The following DYNLRB1 variants were observed in gnomAD, a reference collection of about 807,000 sequenced individuals.
DYNLRB1 encodes the protein ROBL/LC7-like 1.
DYNLRB1 carries 6 observed loss-of-function variants against 13.5 expected under a neutral mutation model. That is an observed-to-expected ratio of 0.44 (90% CI 0.24 to 0.88). DYNLRB1 has a LOEUF of 0.88. Among genes scored for constraint, DYNLRB1 ranks in the 40% least tolerant of loss-of-function variants. The pLI is 0.21. For synonymous variants in DYNLRB1, 43 were observed against 45.0 expected, an observed-to-expected ratio of 0.96 and a Z score of 0.18; for missense variants, 93 against 127.2, an observed-to-expected ratio of 0.73 and a Z score of 1.29.
chr20:34,516,626 C>T lies in DYNLRB1; in HGVS notation c.3+165C>T. ...CCGACTTGAGGGTGGAACCCGGCGG[C>T]GGAGGCCTCTAAAGCCTGACCGAGG... On this transcript the variant is annotated intron_variant, in intron 1 of 3. Transcript: ENST00000357156. 3 of 1,489,228 alleles carry T rather than the reference C, an allele frequency of 2.0e-6. No homozygotes were observed. The South Asian group carries it at 4.0e-5, about 20-fold the overall frequency. 92.3% of individuals were successfully genotyped at this position (1,489,228 alleles called of 1,614,324 possible).
chr20:34,526,506 T>TTC, intron 2 of DYNLRB1, 163 bp downstream of exon 2: 1 of 648,994 alleles, frequency 1.5e-6, no homozygotes, highest in Non-Finnish European at 2.5e-6. Flanking sequence ...TTTTTTTTTT[T>TTC]TCATTAAGGC....
At chr20:34,532,418 A>G (rs979951902) in intron 2 of DYNLRB1, among the ~76,000 whole-genome samples, 1 of 152,150 alleles carries the variant, frequency 6.6e-6, no homozygotes, top group African/African-American at 2.4e-5. Context: ...AATCTGGTCC[A>G]TAGCTGCCCA....
chr20:34,516,208 T>G (rs1416707980), upstream of DYNLRB1, among the ~76,000 whole-genome samples: 1 of 152,272 alleles, frequency 6.6e-6, no homozygotes, highest in Non-Finnish European at 1.5e-5. Context: ...ACCAGCATCT[T>G]TTCTGCACGG....
At chr20:34,540,490 A>G (rs1024230447) in intron 3 of DYNLRB1, 91 bp from the exon 4 acceptor site, 5 of 1,215,230 alleles carry the variant, frequency 4.1e-6, no homozygotes, top group East Asian at 2.5e-5. Flanking sequence ...TCCTCATTTT[A>G]TGGTTAGTGA....
chr20:34,537,864 C>G (rs1981274957), intron 3 of DYNLRB1, among the ~76,000 whole-genome samples: 1 of 152,202 alleles, frequency 6.6e-6, no homozygotes, highest in South Asian at 2.1e-4. Context: ...TGACCTGACC[C>G]CATCCAGCTG....
In DYNLRB1 at chr20:34,528,336, A is replaced by AAAC. The variant is rs1980417281; in HGVS notation, c.79+1995_79+1996insCAA. Among the ~76,000 whole-genome samples the AAAC allele has an allele frequency of 5.5e-5, 8 of 144,898 alleles. 1 individual carries two copies. Among genetic ancestry groups the AAAC allele is most frequent in the East Asian group, 1.9e-4 (1 of 5,130 alleles). On this transcript the variant is annotated intron_variant, in intron 2 of 3. Transcript: ENST00000357156. Reference sequence around the variant, plus strand: ...CAAAAAAAAAAAAAAAAAAAAAAAAAAAAAAAAACTACCCTACTGGAGTTT... The same window carrying AAAC: ...CAAAAAAAAAAAAAAAAAAAAAAAAAAACAAAAAAAACTACCCTACTGGAGTTT...
intron 2 of DYNLRB1, among the ~76,000 whole-genome samples, chr20:34,532,261 C>T (rs562655570): frequency 2.9e-4 from 44 of 152,298 alleles, no homozygotes; most frequent in Non-Finnish European, 5.1e-4. Flanking sequence ...GTATTCAGCC[C>T]GCCCAGCAGC....
At position 34,537,489 on chromosome 20, in the gene DYNLRB1, A is replaced by G. The variant is rs376438982; in HGVS notation, c.247+2694A>G. Among the ~76,000 whole-genome samples, 16 of 152,252 alleles carry G rather than the reference A, an allele frequency of 1.1e-4. No homozygotes were observed. The South Asian group carries it at 3.3e-3, about 32-fold the overall frequency. ...TCCCTCCACTGCTGACACCCCACTGATATGGGTCAGAAGTGGGGTCAGCAG... is the reference window on the plus strand; with the variant it reads ...TCCCTCCACTGCTGACACCCCACTGGTATGGGTCAGAAGTGGGGTCAGCAG... On this transcript the variant is annotated intron_variant, in intron 3 of 3. Coordinates refer to ENST00000357156, the MANE Select transcript of DYNLRB1 (RefSeq NM_014183.4).
chr20:34,516,520 C>A, intron 1 of DYNLRB1, 59 bp downstream of exon 1: 1 of 1,606,118 alleles, frequency 6.2e-7, no homozygotes, highest in African/African-American at 1.3e-5. Context: ...GCCAGGCCTT[C>A]AGTCTTCCGA....
chr20:34,536,858 G>T (rs748256797), intron 3 of DYNLRB1, among the ~76,000 whole-genome samples: 8 of 152,098 alleles, frequency 5.3e-5, no homozygotes, highest in Non-Finnish European at 1.2e-4. Flanking sequence ...TGGGGGAAGG[G>T]AGCAAATTAC....
rs759542125 is a variant in DYNLRB1, at chr20:34,534,621, C to G, written c.80-7C>G. ...ATCCTCTCAGTCTCCGTCTGCTCTC[C>G]CCTCAGGCATTCCCATCAAGAGCAC... On this transcript the variant is annotated splice_region_variant and splice_polypyrimidine_tract_variant and intron_variant, in intron 2 of 3. Coordinates refer to ENST00000357156, the MANE Select transcript of DYNLRB1 (RefSeq NM_014183.4). The G allele has an allele frequency of 4.5e-6, 7 of 1,558,542 alleles. No homozygotes were observed. The highest frequency in any genetic ancestry group is 6.1e-6 in the Non-Finnish European group (7 of 1,151,920).
chr20:34,516,592 G>C lies in DYNLRB1; in HGVS notation c.3+131G>C, dbSNP rs1182989399. ...GTGGTGGCTGGGCGTGGCCGGGCCC[G>C]GGCCCCAGCCGACTTGAGGGTGGAA... On this transcript the variant is annotated intron_variant, in intron 1 of 3. Coordinates refer to ENST00000357156, the MANE Select transcript of DYNLRB1 (RefSeq NM_014183.4). 7.2e-6 allele frequency: 11 copies of C among 1,527,674 alleles called. No individual in the cohort carries two copies. The Admixed American group carries it at 2.2e-4, about 31-fold the overall frequency. The allele number at this position is 1,527,674 out of a possible 1,614,324, so 94.6% of individuals were successfully genotyped here.
intron 2 of DYNLRB1, 140 bp downstream of exon 2, chr20:34,526,483 T>TTG (rs1226735813): frequency 3.9e-6 from 2 of 506,720 alleles, no homozygotes; most frequent in Non-Finnish European, 3.3e-6. Context: ...ACCTCCAGTG[T>TTG]TCTTTTTTTT....
upstream of DYNLRB1, chr20:34,516,260 A>G (rs1465011099): frequency 2.4e-6 from 2 of 821,452 alleles, no homozygotes; most frequent in Non-Finnish European, 3.7e-6. Context: ...ACTGCTCCTT[A>G]GCTTTTCGCT....
At chr20:34,522,971 C>T (rs1979879159) in intron 1 of DYNLRB1, among the ~76,000 whole-genome samples, 2 of 152,138 alleles carry the variant, frequency 1.3e-5, no homozygotes, top group African/African-American at 2.4e-5. Context: ...CTATCCTATG[C>T]GAGGTACTGG....
At chr20:34,536,999 G>A (rs904757035) in intron 3 of DYNLRB1, among the ~76,000 whole-genome samples, 2 of 152,176 alleles carry the variant, frequency 1.3e-5, no homozygotes, top group African/African-American at 4.8e-5. Context: ...GGCAGCGGCA[G>A]CGTCTCCAAT....
chr20:34,539,100 TAACA>T, intron 3 of DYNLRB1, among the ~76,000 whole-genome samples: 1 of 152,220 alleles, frequency 6.6e-6, no homozygotes, highest in Non-Finnish European at 1.5e-5. Context: ...AACAAATAAT[TAACA>T]AGCCACTGAT....
At chr20:34,519,980 G>A (rs747012846) in intron 1 of DYNLRB1, among the ~76,000 whole-genome samples, 6 of 152,010 alleles carry the variant, frequency 3.9e-5, no homozygotes, top group East Asian at 1.9e-4. Flanking sequence ...CTAAAAATAC[G>A]AAAAGTAGCC....
At position 34,540,796 on chromosome 20, in the gene DYNLRB1, G is replaced by C. The variant is rs971332440; in HGVS notation, c.*172G>C. ...TCCCCCACCAACGGAACCCCTGTGT[G>C]CACCAACCTTCCCCAGAGCTCCGGA... is the stretch of plus-strand genomic sequence containing the variant. On this transcript the variant is annotated 3_prime_UTR_variant, in exon 4 of 4. Coordinates refer to ENST00000357156, the MANE Select transcript of DYNLRB1 (RefSeq NM_014183.4). 9.8e-6 allele frequency: 6 copies of C among 611,086 alleles called. No individual in the cohort carries two copies. The highest frequency in any genetic ancestry group is 1.7e-5 in the Non-Finnish European group (6 of 359,956). 37.9% of individuals were successfully genotyped at this position (611,086 alleles called of 1,614,324 possible). A position where few individuals can be genotyped will look rare whatever the true frequency, so the allele number is the denominator to read the frequency against.
Sources: gnomAD v4.1 joint callset for allele counts (sites outside exome capture counted in the v4.1 genomes callset) on GRCh38, gnomAD v4.1.1 for gene constraint, MANE v1.5 for transcripts, NCBI Gene and HGNC (gene_info 2026-07-23, HGNC 2026-07-21) for gene names.